Variants in LPGAT1 observed in about 807,000 individuals in gnomAD.
LPGAT1 encodes the protein acyl-CoA:lysophosphatidylglycerol acyltransferase 1.
LPGAT1 carries 11 observed loss-of-function variants against 47.5 expected under a neutral mutation model. The ratio of observed to expected loss-of-function variants is 0.23; its 90% CI spans 0.15 to 0.38. The LOEUF is 0.38. Ranked by LOEUF, LPGAT1 falls within the 10% of genes least tolerant of loss-of-function variation. LPGAT1 has a pLI of 1.00. For missense variants in LPGAT1, 293 were observed against 439.0 expected (o/e 0.67, Z 2.97); for synonymous variants, 138 against 144.2 (o/e 0.96, Z 0.31).
In LPGAT1 at chr1:211,830,761, A is replaced by T. The variant is rs1265093339; in HGVS notation, c.-216T>A. 1 of 1,154,396 alleles carries T rather than the reference A, an allele frequency of 8.7e-7. No homozygotes were observed. Among genetic ancestry groups the T allele is most frequent in the Admixed American group, 4.7e-5 (1 of 21,278 alleles). The allele number at this position is 1,154,396 out of a possible 1,614,324, so 71.5% of individuals were successfully genotyped here. ...CAAGGGCCCGGCCGCGTTCGCCCGG[A>T]CTGGCGGGGAGGGGCGGCGGGAGGA... On this transcript the variant is annotated 5_prime_UTR_variant, in exon 1 of 8. Coordinates refer to ENST00000366997, the MANE Select transcript of LPGAT1 (RefSeq NM_014873.3). This position sits in a 1 kb window ranked among gnomAD's most constrained non-coding sequence, Gnocchi z 5.9.
chr1:211,804,741 A>T (rs1220126743), intron 2 of LPGAT1, among the ~76,000 whole-genome samples: 2 of 152,200 alleles, frequency 1.3e-5, no homozygotes, highest in Non-Finnish European at 2.9e-5. Context: ...CTGGCTATTG[A>T]TTACAGTAAA....
At chr1:211,813,810 G>A (rs1660081168) in intron 2 of LPGAT1, among the ~76,000 whole-genome samples, 1 of 152,160 alleles carries the variant, frequency 6.6e-6, no homozygotes, top group Non-Finnish European at 1.5e-5. Context: ...AAGGGCTGTA[G>A]CTTGCCAACC....
rs188556054 is a variant in LPGAT1 at position 211,807,985 on chromosome 1, A to G, written c.239-14795T>C. On this transcript the variant is annotated intron_variant, in intron 2 of 7. Transcript: ENST00000366997. ...ACTTTATCAAAATGTAAACATTTTA[A>G]TGAGGAAAAGACACTGTTAAGAGAA... Among the ~76,000 whole-genome samples the G allele has an allele frequency of 8.5e-5, 13 of 152,346 alleles. No individual in the cohort carries two copies. The East Asian group carries it at 2.1e-3, about 25-fold the overall frequency.
At position 211,745,872 on chromosome 1, in the gene LPGAT1, A is replaced by G. The variant is rs1571681862; in HGVS notation, c.*4027T>C. ...GACTTTGTCCTTCATATTAACAGAT[A>G]TAAGGCTCATAGCACTGCAGAGCAA... On this transcript the variant is annotated 3_prime_UTR_variant, in exon 8 of 8. Coordinates refer to ENST00000366997, the MANE Select transcript of LPGAT1 (RefSeq NM_014873.3). 1 of 152,684 alleles carries G rather than the reference A, an allele frequency of 6.5e-6. No homozygotes were observed. The highest frequency in any genetic ancestry group is 1.5e-5 in the Non-Finnish European group (1 of 68,064). The allele number at this position is 152,684 out of a possible 1,614,324, so 9.5% of individuals were successfully genotyped here.
chr1:211,798,316 G>T (rs1241046085), intron 2 of LPGAT1, among the ~76,000 whole-genome samples: 1 of 152,156 alleles, frequency 6.6e-6, no homozygotes, highest in Non-Finnish European at 1.5e-5. Flanking sequence ...TGGGATTAAA[G>T]TCACTTTTGG....
intron 5 of LPGAT1, among the ~76,000 whole-genome samples, chr1:211,781,116 C>A (rs1490559181): frequency 1.3e-5 from 2 of 151,814 alleles, no homozygotes; most frequent in Non-Finnish European, 2.9e-5. Flanking sequence ...TGCAAAATAC[C>A]AAAATATGGA....
At chr1:211,751,577 C>G (rs888932256) in intron 6 of LPGAT1, among the ~76,000 whole-genome samples, 6 of 152,114 alleles carry the variant, frequency 3.9e-5, no homozygotes, top group African/African-American at 1.4e-4. Flanking sequence ...TAACTTTTAC[C>G]GGTTGGGAGT....
At chr1:211,801,081 C>T (rs1422067951) in intron 2 of LPGAT1, among the ~76,000 whole-genome samples, 1 of 152,216 alleles carries the variant, frequency 6.6e-6, no homozygotes, top group African/African-American at 2.4e-5. Flanking sequence ...ACATTTTAAT[C>T]TCTCACTCTT....
At chr1:211,817,122 C>A (rs1287831848) in intron 2 of LPGAT1, among the ~76,000 whole-genome samples, 2 of 152,166 alleles carry the variant, frequency 1.3e-5, no homozygotes, top group African/African-American at 2.4e-5. Context: ...ATAAATTTAG[C>A]CCCCAGTTAA....
At position 211,830,235 on chromosome 1, in the gene LPGAT1, C is replaced by T; in HGVS notation, c.-28+338G>A. On this transcript the variant is annotated intron_variant, in intron 1 of 7. Transcript: ENST00000366997. The surrounding 1 kb of genome is among the most constrained non-coding windows in gnomAD (Gnocchi z 5.9). Reference sequence around the variant, plus strand: ...GCGGAGAGCGGGGGCGGGTGTCCCCCGCCGAGGGGTCGCGGTCATGGACGC... The same window carrying T: ...GCGGAGAGCGGGGGCGGGTGTCCCCTGCCGAGGGGTCGCGGTCATGGACGC... 1.0e-6 allele frequency: 1 copy of T among 985,672 alleles called. No individual in the cohort carries two copies. The highest frequency in any genetic ancestry group is 1.2e-6 in the Non-Finnish European group (1 of 830,836). 61.1% of individuals were successfully genotyped at this position (985,672 alleles called of 1,614,324 possible).
At chr1:211,763,623 C>T (rs1657794228) in intron 6 of LPGAT1, among the ~76,000 whole-genome samples, 1 of 152,306 alleles carries the variant, frequency 6.6e-6, no homozygotes, top group South Asian at 2.1e-4. Context: ...AAAGTCAAAG[C>T]ATACCACAGG....
At chr1:211,771,783 G>A (rs757378205) in intron 6 of LPGAT1, among the ~76,000 whole-genome samples, 6 of 152,090 alleles carry the variant, frequency 3.9e-5, no homozygotes, top group East Asian at 1.9e-4. Context: ...GATTACAGGC[G>A]TGAGCGACCG....
Position 211,749,963 on chromosome 1 carries a change from A to G in LPGAT1, c.1049T>C (p.Phe350Ser), listed in dbSNP as rs746681770. ...SNLWIFLIQS[F>S]AFLSGYMWYN... ...CCACATATAGCCTGACAAAAATGCA[A>G]AAGACTGTATGAGAAATATCCACAA... Residue 350 changes from phenylalanine (F) to serine (S), a missense_variant, in exon 8 of 8, where the codon TTT becomes TCT. Phe to Ser is a radical substitution (Grantham distance 155). Transcript: ENST00000366997. The G allele has an allele frequency of 1.2e-6, 2 of 1,613,980 alleles. No individual in the cohort carries two copies. Among genetic ancestry groups the G allele is most frequent in the Non-Finnish European group, 1.7e-6 (2 of 1,179,974 alleles).
chr1:211,830,755 G>T lies in LPGAT1; in HGVS notation c.-210C>A, dbSNP rs922431586. 79 of 1,162,560 alleles carry T rather than the reference G, an allele frequency of 6.8e-5. 1 individual carries two copies. Among genetic ancestry groups the T allele is most frequent in the African/African-American group, 5.5e-4 (34 of 61,680 alleles). 72.0% of individuals were successfully genotyped at this position (1,162,560 alleles called of 1,614,324 possible). A position where few individuals can be genotyped will look rare whatever the true frequency, so the allele number is the denominator to read the frequency against. ...GGTCCCCAAGGGCCCGGCCGCGTTCGCCCGGACTGGCGGGGAGGGGCGGCG... is the reference window on the plus strand; with the variant it reads ...GGTCCCCAAGGGCCCGGCCGCGTTCTCCCGGACTGGCGGGGAGGGGCGGCG... On this transcript the variant is annotated 5_prime_UTR_variant, in exon 1 of 8. Coordinates refer to ENST00000366997, the MANE Select transcript of LPGAT1 (RefSeq NM_014873.3). This position sits in a 1 kb window ranked among gnomAD's most constrained non-coding sequence, Gnocchi z 5.9.
At chr1:211,751,100 A>G (rs770908822) in intron 6 of LPGAT1, 33 bp from the exon 7 acceptor site, 4 of 1,376,830 alleles carry the variant, frequency 2.9e-6, no homozygotes, top group Non-Finnish European at 4.1e-6. Flanking sequence ...AACAAAAACT[A>G]TTTAGTTCAG....
At position 211,767,818 on chromosome 1, in the gene LPGAT1, G is replaced by GA. The variant is rs1029977354; in HGVS notation, c.854+11099dup. 3.3e-5 allele frequency among the ~76,000 whole-genome samples: 5 copies of GA among 152,046 alleles called. No individual in the cohort carries two copies. The South Asian group carries it at 6.2e-4, about 19-fold the overall frequency. ...TAGGACACTGTTTCCTTCTACTGGG[G>GA]AAAAAATGAAACTATTAGCTCAAAA... On this transcript the variant is annotated intron_variant, in intron 6 of 7. Coordinates refer to ENST00000366997, the MANE Select transcript of LPGAT1 (RefSeq NM_014873.3).
intron 5 of LPGAT1, among the ~76,000 whole-genome samples, chr1:211,780,923 G>A (rs1178620710): frequency 6.6e-6 from 1 of 151,822 alleles, no homozygotes; most frequent in Non-Finnish European, 1.5e-5. Flanking sequence ...TAAATGATGA[G>A]AAAAAACACC....
At chr1:211,769,213 G>T (rs1033858450) in intron 6 of LPGAT1, among the ~76,000 whole-genome samples, 2 of 152,114 alleles carry the variant, frequency 1.3e-5, no homozygotes, top group African/African-American at 4.8e-5. Flanking sequence ...GGTGATAGTG[G>T]CTAGGACCAG....
chr1:211,812,885 T>A (rs1660037808), intron 2 of LPGAT1, among the ~76,000 whole-genome samples: 1 of 152,196 alleles, frequency 6.6e-6, no homozygotes, highest in Admixed American at 6.5e-5. Context: ...TTGATTTGAA[T>A]GTCGGGCCTC....
Sources: gnomAD v4.1 joint callset for allele counts (sites outside exome capture counted in the v4.1 genomes callset) on GRCh38, gnomAD v4.1.1 for gene constraint, Gnocchi (gnomAD v3.1) non-coding constraint, MANE v1.5 for transcripts, NCBI Gene and HGNC (gene_info 2026-07-23, HGNC 2026-07-21) for gene names.